The following ZSWIM6 variants were observed in gnomAD, a reference collection of about 807,000 sequenced individuals.
The protein encoded by ZSWIM6 is zinc finger SWIM-type containing 6.
In ZSWIM6, 9 loss-of-function variants were observed where a neutral mutation model predicts 113.2. The observed-to-expected ratio is 0.08, with a 90% confidence interval of 0.05 to 0.14. ZSWIM6 has a LOEUF of 0.14. ZSWIM6 is among the 10% of genes least tolerant of loss of function. The pLI is 1.00. For synonymous variants in ZSWIM6, 611 were observed against 606.5 expected (o/e 1.01, Z -0.11); for missense variants, 1,162 against 1,552.2 (o/e 0.75, Z 4.22).
chr5:61,445,429 C>T (rs1249900979), intron 1 of ZSWIM6, among the ~76,000 whole-genome samples: 1 of 152,150 alleles, frequency 6.6e-6, no homozygotes, highest in Non-Finnish European at 1.5e-5. Flanking sequence ...TTAGAATCCT[C>T]AAATCAGTGC....
intron 1 of ZSWIM6, among the ~76,000 whole-genome samples, chr5:61,388,662 A>T (rs1440567644): frequency 6.6e-6 from 1 of 152,244 alleles, no homozygotes; most frequent in Non-Finnish European, 1.5e-5. Flanking sequence ...TTGGCCACAC[A>T]ACTAATAAAT....
intron 1 of ZSWIM6, among the ~76,000 whole-genome samples, chr5:61,357,759 C>A (rs893516118): frequency 2.0e-5 from 3 of 151,568 alleles, no homozygotes; most frequent in Non-Finnish European, 4.4e-5. Context: ...ATGGAATAAT[C>A]ATAGCTTTAT....
chr5:61,402,341 A>G (rs1467132747), intron 1 of ZSWIM6, among the ~76,000 whole-genome samples: 10 of 152,216 alleles, frequency 6.6e-5, no homozygotes, highest in Admixed American at 3.9e-4. Context: ...TGAAGTTCTA[A>G]TGTGGTTTTT....
intron 1 of ZSWIM6, among the ~76,000 whole-genome samples, chr5:61,352,146 T>C (rs1744798901): frequency 6.6e-6 from 1 of 152,208 alleles, no homozygotes; most frequent in Non-Finnish European, 1.5e-5. Context: ...TGCCTTTGCC[T>C]ATGTTCTTTT....
At chr5:61,541,771 T>C in intron 12 of ZSWIM6, 113 bp from the exon 13 acceptor site, 1 of 811,806 alleles carries the variant, frequency 1.2e-6, no homozygotes, top group Non-Finnish European at 1.9e-6. Context: ...TGCTTTCATC[T>C]TCCTGGTGGT....
chr5:61,475,577 C>G (rs569566890), intron 2 of ZSWIM6, among the ~76,000 whole-genome samples: 1 of 152,260 alleles, frequency 6.6e-6, no homozygotes, highest in Non-Finnish European at 1.5e-5. Flanking sequence ...AGCAGTTTAT[C>G]CCGCCAGCTT....
At chr5:61,360,869 G>T (rs189799283) in intron 1 of ZSWIM6, among the ~76,000 whole-genome samples, 3 of 152,118 alleles carry the variant, frequency 2.0e-5, no homozygotes, top group Non-Finnish European at 2.9e-5. Flanking sequence ...GCTTGTTTTC[G>T]CCTTGTCTCA....
chr5:61,532,930 T>C (rs548066252), intron 9 of ZSWIM6, among the ~76,000 whole-genome samples: 3 of 152,258 alleles, frequency 2.0e-5, no homozygotes, highest in Admixed American at 6.5e-5. Flanking sequence ...TTTTAAATGC[T>C]TTCTGTCACT....
intron 1 of ZSWIM6, among the ~76,000 whole-genome samples, chr5:61,352,261 GT>G (rs1350326450): frequency 6.6e-6 from 1 of 152,168 alleles, no homozygotes; most frequent in South Asian, 2.1e-4. Flanking sequence ...CCTAATCATA[GT>G]TTTTTGTGTG....
chr5:61,424,562 T>C (rs1038469696), intron 1 of ZSWIM6, among the ~76,000 whole-genome samples: 5 of 152,186 alleles, frequency 3.3e-5, no homozygotes, highest in African/African-American at 1.2e-4. Context: ...TCACCTCAGC[T>C]GTTTCCCAGA....
At chr5:61,411,632 C>T (rs530487182) in intron 1 of ZSWIM6, among the ~76,000 whole-genome samples, 1 of 152,202 alleles carries the variant, frequency 6.6e-6, no homozygotes, top group Admixed American at 6.5e-5. Context: ...TTTATTTGTC[C>T]CAGTTCTGGA....
At chr5:61,404,788 G>A (rs1001485940) in intron 1 of ZSWIM6, among the ~76,000 whole-genome samples, 1 of 151,930 alleles carries the variant, frequency 6.6e-6, no homozygotes, top group Non-Finnish European at 1.5e-5. Context: ...TTTTGTCTTC[G>A]GGTTTTTGGT....
intron 1 of ZSWIM6, among the ~76,000 whole-genome samples, chr5:61,447,771 A>T (rs1746996057): frequency 6.6e-6 from 1 of 152,170 alleles, no homozygotes; most frequent in African/African-American, 2.4e-5. Flanking sequence ...AAAGCCAATC[A>T]CTGAGACAGT....
chr5:61,502,957 T>C (rs554556269), intron 4 of ZSWIM6, among the ~76,000 whole-genome samples: 3 of 152,094 alleles, frequency 2.0e-5, no homozygotes, highest in Admixed American at 1.3e-4. Context: ...ACAAAGCCAG[T>C]CCCTGGTGCC....
chr5:61,361,977 A>C (rs536072860), intron 1 of ZSWIM6, among the ~76,000 whole-genome samples: 25 of 152,246 alleles, frequency 1.6e-4, no homozygotes, highest in Admixed American at 2.0e-4. Context: ...ATGTTTTCAC[A>C]TATGGAAATA....
At chr5:61,409,262 A>G (rs1488902147) in intron 1 of ZSWIM6, among the ~76,000 whole-genome samples, 2 of 152,038 alleles carry the variant, frequency 1.3e-5, no homozygotes, top group Non-Finnish European at 2.9e-5. Flanking sequence ...GATTTTTACC[A>G]GTGGAGGGGC....
intron 1 of ZSWIM6, among the ~76,000 whole-genome samples, chr5:61,371,060 T>G (rs968915794): frequency 5.3e-5 from 8 of 152,220 alleles, no homozygotes; most frequent in African/African-American, 1.9e-4. Context: ...GCACCTGGGC[T>G]CTGCCCCAGG....
intron 1 of ZSWIM6, among the ~76,000 whole-genome samples, chr5:61,334,035 T>C (rs1196351470): frequency 6.6e-6 from 1 of 152,226 alleles, no homozygotes; most frequent in Non-Finnish European, 1.5e-5. Flanking sequence ...TTCAGTTTTC[T>C]GTCACCCTCC....
chr5:61,508,190 G>A (rs1748677620), intron 4 of ZSWIM6, among the ~76,000 whole-genome samples: 1 of 152,160 alleles, frequency 6.6e-6, no homozygotes, highest in African/African-American at 2.4e-5. Flanking sequence ...AGCAATTATT[G>A]TCAGGTGGAT....
Sources: gnomAD v4.1 joint callset for allele counts (sites outside exome capture counted in the v4.1 genomes callset) on GRCh38, gnomAD v4.1.1 for gene constraint, MANE v1.5 for transcripts, NCBI Gene and HGNC (gene_info 2026-07-23, HGNC 2026-07-21) for gene names.